The following CEP120 variants were observed in gnomAD, a reference collection of about 807,000 sequenced individuals.
CEP120 encodes centrosomal protein 120.
A neutral mutation model predicts 126.5 loss-of-function variants in CEP120; 113 were observed. That is an observed-to-expected ratio of 0.89 (90% confidence interval 0.77 to 1.04). The LOEUF is 1.04. Among genes scored for constraint, CEP120 ranks in the 50% least tolerant of loss-of-function variants. The pLI is 0.00. For missense variants in CEP120, 1,230 were observed against 1,155.7 expected, an observed-to-expected ratio of 1.06 and a Z score of -0.93; for synonymous variants, 400 against 394.3, an observed-to-expected ratio of 1.01 and a Z score of -0.17.
intron 4 of CEP120, chr5:123,401,686 A>G (rs1773252001): frequency 1.4e-6 from 2 of 1,402,150 alleles, no homozygotes; most frequent in South Asian, 2.3e-5. Context: ...AGTTGATCTC[A>G]TCAGTCAGCC....
intron 4 of CEP120, chr5:123,400,888 G>T: frequency 1.6e-6 from 2 of 1,277,742 alleles, no homozygotes. Context: ...CAGCGCAGGA[G>T]GGGTAGGCTG....
chr5:123,358,375 A>ATAT (rs1165582783), intron 18 of CEP120: 5 of 152,098 alleles, frequency 3.3e-5, no homozygotes, highest in African/African-American at 1.2e-4. Flanking sequence ...TTTGAAATGT[A>ATAT]TATTTCATTT....
intron 4 of CEP120, among the ~76,000 whole-genome samples, chr5:123,403,921 T>C (rs1773456600): frequency 6.6e-6 from 1 of 152,234 alleles, no homozygotes; most frequent in Non-Finnish European, 1.5e-5. Context: ...ATCCTTTTCC[T>C]ATAAAGGAAA....
rs771013646 is a variant in CEP120, at chr5:123,382,864, G to A, written c.1886C>T (p.Pro629Leu). 1.2e-5 allele frequency: 19 copies of A among 1,613,156 alleles called. No homozygotes were observed. The highest frequency in any genetic ancestry group is 3.3e-5 in the Admixed American group (2 of 59,854). ...ACAAGGTGCTGGAGGAAGAGAAGACGGCTTTTGCTGTACGGCAGATACACC... is the reference window on the plus strand; with the variant it reads ...ACAAGGTGCTGGAGGAAGAGAAGACAGCTTTTGCTGTACGGCAGATACACC... ...SQGVSAVQQKPSSLPPAPCPS... is the reference protein window; with the variant it reads ...SQGVSAVQQKLSSLPPAPCPS... Residue 629 changes from proline (P) to leucine (L), a missense_variant, in exon 13 of 20, where the codon CCG (proline) becomes CTG (leucine). Pro to Leu is a moderately conservative substitution (Grantham distance 98). Transcript: ENST00000306467.
Position 123,422,947 on chromosome 5 carries a change from C to G in CEP120, c.49+3G>C, listed in dbSNP as rs1170933705. 1.2e-6 allele frequency: 2 copies of G among 1,613,950 alleles called. No individual in the cohort carries two copies. Among genetic ancestry groups the G allele is most frequent in the African/African-American group, 2.7e-5 (2 of 74,936 alleles). On this transcript the variant is annotated splice_donor_region_variant and intron_variant, in intron 1 of 19. Transcript: ENST00000306467. Reference sequence around the variant, plus strand: ...TTGCAAAAGCAAGCCTCAGGCTGCTCACCTTCTAGGATGGACACGACGATG... The same window carrying G: ...TTGCAAAAGCAAGCCTCAGGCTGCTGACCTTCTAGGATGGACACGACGATG...
rs757036777 is a variant in CEP120, at chr5:123,386,609, C to G, written c.1489G>C (p.Val497Leu). ...APIMTNPPVEVRKNMEVFLPQ... is the reference protein window; with the variant it reads ...APIMTNPPVELRKNMEVFLPQ... ...AGAAAAACTTCCATGTTTTTCCGAA[C>G]TTCTACAGGAGGATTAGTCATAATA... The change falls in exon 10 of 20, where the codon GTT (valine) becomes CTT (leucine). Residue 497 changes from valine to leucine, a missense_variant. Transcript: ENST00000306467. 1 of 1,564,328 alleles carries G rather than the reference C, an allele frequency of 6.4e-7. No individual in the cohort carries two copies. Among genetic ancestry groups the G allele is most frequent in the Non-Finnish European group, 8.6e-7 (1 of 1,157,260 alleles).
At chr5:123,358,045 C>CTCTT (rs1375658211) in intron 18 of CEP120, among the ~76,000 whole-genome samples, 3 of 152,074 alleles carry the variant, frequency 2.0e-5, no homozygotes, top group Admixed American at 2.0e-4. Flanking sequence ...ACTACTGAAA[C>CTCTT]TCTTACAGGT....
rs868342279 is a variant in CEP120, at chr5:123,405,637, G to A, written c.464-6353C>T. Among the ~76,000 whole-genome samples the A allele has an allele frequency of 2.6e-5, 4 of 152,228 alleles. No homozygotes were observed. The Middle Eastern group carries it at 0.01, about 388-fold the overall frequency. ...AGGGAAGAAAAAACTGAGAAGCAATGGTGAAGTTCAGATCCAAGGGGCACA... is the reference window on the plus strand; with the variant it reads ...AGGGAAGAAAAAACTGAGAAGCAATAGTGAAGTTCAGATCCAAGGGGCACA... On this transcript the variant is annotated intron_variant, in intron 4 of 19. Transcript: ENST00000306467.
At chr5:123,362,307 G>A (rs963885387) in intron 18 of CEP120, among the ~76,000 whole-genome samples, 3 of 151,616 alleles carry the variant, frequency 2.0e-5, no homozygotes, top group African/African-American at 7.3e-5. Context: ...TCGTCAGAGT[G>A]GCTAATTTTC....
intron 4 of CEP120, chr5:123,403,689 A>G (rs1256929527): frequency 2.4e-6 from 1 of 412,898 alleles, no homozygotes; most frequent in Admixed American, 3.1e-5. Context: ...AAAATTGTGC[A>G]CCACCTGATA....
At chr5:123,405,093 A>G (rs1219070686) in intron 4 of CEP120, among the ~76,000 whole-genome samples, 1 of 152,240 alleles carries the variant, frequency 6.6e-6, no homozygotes, top group East Asian at 1.9e-4. Flanking sequence ...ACAACTCTCC[A>G]TAGATCTGTC....
intron 3 of CEP120, among the ~76,000 whole-genome samples, chr5:123,413,057 A>G (rs1217076365): frequency 6.6e-6 from 1 of 152,120 alleles, no homozygotes; most frequent in Non-Finnish European, 1.5e-5. Flanking sequence ...ACTTGAGTCC[A>G]GGAGTTCAAG....
chr5:123,370,057 G>A (rs1229789655), intron 17 of CEP120, among the ~76,000 whole-genome samples: 1 of 151,992 alleles, frequency 6.6e-6, no homozygotes, highest in Non-Finnish European at 1.5e-5. Context: ...CATGGTGTTG[G>A]TTCATCATCA....
At chr5:123,394,579 G>T (rs1772641851) in intron 5 of CEP120, among the ~76,000 whole-genome samples, 1 of 152,202 alleles carries the variant, frequency 6.6e-6, no homozygotes, top group South Asian at 2.1e-4. Context: ...CAGCCTGAGG[G>T]TTGAGGATCC....
chr5:123,397,169 T>C (rs1282633013), intron 5 of CEP120, among the ~76,000 whole-genome samples: 1 of 151,722 alleles, frequency 6.6e-6, no homozygotes, highest in Non-Finnish European at 1.5e-5. Context: ...ACTAAAACTA[T>C]AAAAACTGGC....
chr5:123,352,295 G>C (rs947202355), intron 18 of CEP120, among the ~76,000 whole-genome samples: 1 of 151,924 alleles, frequency 6.6e-6, no homozygotes, highest in Admixed American at 6.6e-5. Flanking sequence ...ACATAGTTCA[G>C]ATTTTTCTGT....
chr5:123,376,175 C>G (rs1771208703), intron 16 of CEP120, among the ~76,000 whole-genome samples: 1 of 151,928 alleles, frequency 6.6e-6, no homozygotes, highest in South Asian at 2.1e-4. Context: ...AGAAAAAGAA[C>G]AGGAGAATAA....
chr5:123,375,869 C>T (rs1221662749), intron 16 of CEP120, among the ~76,000 whole-genome samples: 2 of 152,056 alleles, frequency 1.3e-5, no homozygotes, highest in Non-Finnish European at 2.9e-5. Flanking sequence ...AATAATGGCT[C>T]TGTGCTGCTG....
At chr5:123,399,724 A>C (rs917269074) in intron 4 of CEP120, among the ~76,000 whole-genome samples, 1 of 152,224 alleles carries the variant, frequency 6.6e-6, no homozygotes, top group African/African-American at 2.4e-5. Flanking sequence ...ACACAGGCAT[A>C]GGGTGCCAGA....
Sources: gnomAD v4.1 joint callset for allele counts (sites outside exome capture counted in the v4.1 genomes callset) on GRCh38, gnomAD v4.1.1 for gene constraint, MANE v1.5 for transcripts, NCBI Gene and HGNC (gene_info 2026-07-23, HGNC 2026-07-21) for gene names.